LRRC49: variants seen among roughly 807,000 people sequenced by gnomAD.
LRRC49 encodes the protein leucine rich repeat containing 49.
A neutral mutation model predicts 83.3 loss-of-function variants in LRRC49; 50 were observed. The ratio of observed to expected loss-of-function variants is 0.60; its 90% CI spans 0.48 to 0.76. The LOEUF (loss-of-function observed/expected upper bound fraction) is 0.76. Among genes scored for constraint, LRRC49 ranks in the 30% least tolerant of loss-of-function variants. The pLI, the probability that LRRC49 is intolerant of heterozygous loss-of-function variation, is 0.00. For missense variants in LRRC49, 704 were observed against 809.1 expected, an observed-to-expected ratio of 0.87 and a Z score of 1.58; for synonymous variants, 286 against 283.3, an observed-to-expected ratio of 1.01 and a Z score of -0.10.
chr15:70,889,998 A>C (rs2033510434), upstream of LRRC49, among the ~76,000 whole-genome samples: 1 of 152,236 alleles, frequency 6.6e-6, no homozygotes, highest in African/African-American at 2.4e-5. Flanking sequence ...CTAGTAATTC[A>C]GCAAGTATAT....
At chr15:71,008,717 C>A in intron 12 of LRRC49, 101 bp downstream of exon 12, 1 of 770,736 alleles carries the variant, frequency 1.3e-6, no homozygotes, top group Non-Finnish European at 2.1e-6. Context: ...TAGTTTCTAT[C>A]TGGCAGGAAG....
chr15:70,974,619 C>G (rs141551506), intron 9 of LRRC49, among the ~76,000 whole-genome samples: 1,966 of 151,832 alleles, frequency 0.013, 45 homozygotes, highest in African/African-American at 0.046. Flanking sequence ...TAGTCTAGAA[C>G]AGGGTTTGGC....
chr15:70,892,837 T>C lies in LRRC49; in HGVS notation c.-58T>C. The C allele has an allele frequency of 1.2e-6, 2 of 1,614,146 alleles. No individual in the cohort carries two copies. Among genetic ancestry groups the C allele is most frequent in the Non-Finnish European group, 1.7e-6 (2 of 1,180,014 alleles). ...GACCTCTTTCGGGTCTCTTTGAATC[T>C]CCGCTGTAGCGTCACCTGGAAGGCA... On this transcript the variant is annotated 5_prime_UTR_variant, in exon 1 of 16. Coordinates refer to ENST00000260382, the MANE Select transcript of LRRC49 (RefSeq NM_017691.5).
rs139288921 is a variant in LRRC49 at position 70,876,200 on chromosome 15, C to T, written c.18+2977C>T. On this transcript the variant is annotated intron_variant, in intron 2 of 16. Coordinates refer to the LRRC49 transcript ENST00000544974. ...AATGCCTCTGAAAGCTACATCTCTA[C>T]ACCTCACTACTCGAATTGCCTGAGA... 1.9e-3 allele frequency among the ~76,000 whole-genome samples: 290 copies of T among 152,356 alleles called. 1 individual carries two copies. The highest frequency in any genetic ancestry group is 6.8e-3 in the Middle Eastern group (2 of 294).
At chr15:71,047,640 A>G (rs566810454) in intron 15 of LRRC49, among the ~76,000 whole-genome samples, 16 of 152,286 alleles carry the variant, frequency 1.1e-4, no homozygotes, top group Middle Eastern at 3.4e-3. Context: ...AGATAGTTTG[A>G]CTTCTTTTCC....
intron 4 of LRRC49, among the ~76,000 whole-genome samples, chr15:70,901,633 C>G (rs1254606527): frequency 6.6e-6 from 1 of 152,180 alleles, no homozygotes; most frequent in Non-Finnish European, 1.5e-5. Flanking sequence ...TCTCTAGCCC[C>G]CTTCTCTGCT....
At chr15:70,942,031 T>TTG (rs1283134274) in intron 8 of LRRC49, among the ~76,000 whole-genome samples, 2 of 82,052 alleles carry the variant, frequency 2.4e-5, no homozygotes, top group African/African-American at 1.0e-4. Flanking sequence ...ACTGTAAAGG[T>TTG]TATGTGTGTG....
chr15:70,996,394 G>C (rs2038074972), intron 11 of LRRC49, among the ~76,000 whole-genome samples: 1 of 151,938 alleles, frequency 6.6e-6, no homozygotes, highest in South Asian at 2.1e-4. Flanking sequence ...ATTCAGTTTG[G>C]CTTCTTGAAT....
intron 2 of LRRC49, among the ~76,000 whole-genome samples, chr15:70,885,817 A>G (rs2033391327): frequency 6.6e-6 from 1 of 152,216 alleles, no homozygotes; most frequent in South Asian, 2.1e-4. Context: ...AAAAATTCCA[A>G]AAGGATATAG....
intron 3 of LRRC49, 135 bp from the exon 4 acceptor site, chr15:70,900,787 A>G (rs574763365): frequency 1.6e-5 from 10 of 621,108 alleles, no homozygotes; most frequent in African/African-American, 5.6e-5. Flanking sequence ...TTAATTTCAA[A>G]TATGGAGAGC....
At chr15:70,993,727 T>C (rs962206740) in intron 11 of LRRC49, among the ~76,000 whole-genome samples, 2 of 152,244 alleles carry the variant, frequency 1.3e-5, no homozygotes, top group Non-Finnish European at 2.9e-5. Context: ...GTCAGTTCTA[T>C]TTCTAATTTC....
At chr15:70,905,871 A>G (rs1406837568) in intron 5 of LRRC49, among the ~76,000 whole-genome samples, 1 of 152,130 alleles carries the variant, frequency 6.6e-6, no homozygotes, top group Non-Finnish European at 1.5e-5. Context: ...ATCCTGCCCT[A>G]TATCCAAAAA....
At chr15:70,871,073 T>C (rs1823958591) in intron 1 of LRRC49, among the ~76,000 whole-genome samples, 2 of 151,836 alleles carry the variant, frequency 1.3e-5, no homozygotes, top group Non-Finnish European at 1.5e-5. Context: ...CAAGGGTCTG[T>C]GGTTTTCCTA....
At chr15:70,884,734 C>T (rs1038842925) in intron 2 of LRRC49, among the ~76,000 whole-genome samples, 2 of 152,020 alleles carry the variant, frequency 1.3e-5, no homozygotes, top group African/African-American at 2.4e-5. Flanking sequence ...AAGGTGTATT[C>T]TGGATAAAAT....
chr15:70,957,447 A>G (rs545531926), intron 8 of LRRC49, among the ~76,000 whole-genome samples: 1 of 152,326 alleles, frequency 6.6e-6, no homozygotes, highest in African/African-American at 2.4e-5. Flanking sequence ...TTTAAATAAT[A>G]ATTCCAATAA....
At chr15:70,942,988 C>G (rs2035877563) in intron 8 of LRRC49, among the ~76,000 whole-genome samples, 1 of 152,074 alleles carries the variant, frequency 6.6e-6, no homozygotes, top group South Asian at 2.1e-4. Flanking sequence ...ATCTTTAGTA[C>G]TGTTACAGTG....
Position 71,049,644 on chromosome 15 carries a change from G to C in LRRC49, c.*32G>C. 1 of 1,509,448 alleles carries C rather than the reference G, an allele frequency of 6.6e-7. No individual in the cohort carries two copies. The highest frequency in any genetic ancestry group is 9.1e-7 in the Non-Finnish European group (1 of 1,096,860). The allele number at this position is 1,509,448 out of a possible 1,614,324, so 93.5% of individuals were successfully genotyped here. On this transcript the variant is annotated 3_prime_UTR_variant, in exon 16 of 16. Coordinates refer to ENST00000260382, the MANE Select transcript of LRRC49 (RefSeq NM_017691.5). ...CCTTTAGTTACAGTTGATTTTGGCA[G>C]TTTTATTTTTTGAAGGTTGAAAATA...
chr15:70,870,578 C>T (rs986850368), intron 1 of LRRC49, among the ~76,000 whole-genome samples: 2 of 152,202 alleles, frequency 1.3e-5, no homozygotes, highest in Non-Finnish European at 1.5e-5. Flanking sequence ...AAAACCTCCG[C>T]CTCCTGGGTT....
chr15:70,958,954 A>G (rs2036497552), intron 8 of LRRC49, among the ~76,000 whole-genome samples: 1 of 152,202 alleles, frequency 6.6e-6, no homozygotes, highest in African/African-American at 2.4e-5. Context: ...TAGTACCTAC[A>G]TTATTTTCTA....
Sources: gnomAD v4.1 joint callset for allele counts (sites outside exome capture counted in the v4.1 genomes callset) on GRCh38, gnomAD v4.1.1 for gene constraint, MANE v1.5 for transcripts, NCBI Gene and HGNC (gene_info 2026-07-23, HGNC 2026-07-21) for gene names.